RFTN2: variants seen among roughly 807,000 people sequenced by gnomAD.
RFTN2 encodes raftlin-2.
Under a neutral mutation model 52.7 loss-of-function variants are expected in RFTN2, and 34 were observed. The observed-to-expected ratio is 0.64, with a 90% CI of 0.49 to 0.86. The LOEUF (loss-of-function observed/expected upper bound fraction) is 0.86. RFTN2 is among the 40% of genes least tolerant of loss of function. The pLI, the probability that RFTN2 is intolerant of heterozygous loss-of-function variation, is 0.00. For synonymous variants in RFTN2, 203 were observed against 217.7 expected, an observed-to-expected ratio of 0.93 and a Z score of 0.59; for missense variants, 536 against 600.1, an observed-to-expected ratio of 0.89 and a Z score of 1.12.
chr2:197,642,977 A>C (rs1304340430), intron 3 of RFTN2, among the ~76,000 whole-genome samples: 2 of 152,298 alleles, frequency 1.3e-5, no homozygotes, highest in Middle Eastern at 3.4e-3. Context: ...ACAACAACAA[A>C]AAAAGACAAA....
chr2:197,575,830 TAA>T (rs2087404818), intron 8 of RFTN2, among the ~76,000 whole-genome samples: 1 of 82,580 alleles, frequency 1.2e-5, no homozygotes, highest in African/African-American at 4.1e-5. Context: ...ATTCTATATA[TAA>T]TATATTATAT....
intron 1 of RFTN2, among the ~76,000 whole-genome samples, chr2:197,654,671 A>G (rs2088868880): frequency 6.6e-6 from 1 of 152,080 alleles, no homozygotes; most frequent in Non-Finnish European, 1.5e-5. Context: ...CACCAGAGGG[A>G]ATAAAATGAA....
intron 1 of RFTN2, among the ~76,000 whole-genome samples, chr2:197,666,023 T>C (rs889042187): frequency 6.6e-6 from 1 of 152,182 alleles, no homozygotes; most frequent in Non-Finnish European, 1.5e-5. Flanking sequence ...ACATTTCTCA[T>C]AGGGCTGGAC....
intron 1 of RFTN2, among the ~76,000 whole-genome samples, chr2:197,646,899 A>AG (rs2088759528): frequency 7.2e-6 from 1 of 139,772 alleles, no homozygotes. Flanking sequence ...TGTCTCTACA[A>AG]AAAAAAAAAA....
intron 8 of RFTN2, among the ~76,000 whole-genome samples, chr2:197,577,660 C>T (rs1285849578): frequency 1.3e-5 from 2 of 152,202 alleles, no homozygotes; most frequent in South Asian, 2.1e-4. Flanking sequence ...ATCTTTCCCA[C>T]ATGCACAATG....
intron 3 of RFTN2, among the ~76,000 whole-genome samples, chr2:197,639,146 G>T (rs1344759590): frequency 9.0e-5 from 13 of 144,646 alleles, no homozygotes; most frequent in Non-Finnish European, 1.8e-4. Flanking sequence ...AGGGTAACCT[G>T]ACCTTTCTCT....
At chr2:197,575,095 G>A (rs1042502250) in intron 8 of RFTN2, among the ~76,000 whole-genome samples, 2 of 152,110 alleles carry the variant, frequency 1.3e-5, no homozygotes, top group African/African-American at 4.8e-5. Context: ...ATGGGGGTGG[G>A]TCTTTCCCAT....
In RFTN2 at chr2:197,580,332, C is replaced by G. The variant is rs532324566; in HGVS notation, c.1234-8052G>C. Among the ~76,000 whole-genome samples the G allele has an allele frequency of 2.0e-5, 3 of 152,322 alleles. No homozygotes were observed. In the South Asian group the frequency reaches 6.2e-4, roughly 32 times the overall value. ...TCCAGCACACAGGAATTTCAAAACTCCTAAGCCACAGTGGTCAGGCATTCC... is the reference window on the plus strand; with the variant it reads ...TCCAGCACACAGGAATTTCAAAACTGCTAAGCCACAGTGGTCAGGCATTCC... On this transcript the variant is annotated intron_variant, in intron 8 of 8. Transcript: ENST00000295049.
chr2:197,604,428 T>TA (rs954102064), intron 7 of RFTN2, among the ~76,000 whole-genome samples: 1 of 152,190 alleles, frequency 6.6e-6, no homozygotes, highest in African/African-American at 2.4e-5. Context: ...AGGTAAAACT[T>TA]ACAATGTTAA....
chr2:197,589,968 G>A (rs183214988), intron 8 of RFTN2, among the ~76,000 whole-genome samples: 124 of 152,106 alleles, frequency 8.2e-4, no homozygotes, highest in African/African-American at 2.7e-3. Context: ...GTACAGTGGC[G>A]CGATCATGGC....
In RFTN2 at chr2:197,646,585, T is replaced by C; in HGVS notation, c.221A>G (p.Tyr74Cys). 1 of 1,612,032 alleles carries C rather than the reference T, an allele frequency of 6.2e-7. No individual in the cohort carries two copies. Among genetic ancestry groups the C allele is most frequent in the Non-Finnish European group, 8.5e-7 (1 of 1,178,078 alleles). ...AACAGGATGAATAGCCCCGACAATA[T>C]ATCCTTTAAGATAATAGTTTTCCAC... ...TKVENYYLKG[Y>C]IVGAIHPVIQ... The change falls in exon 2 of 9, where the codon TAT becomes TGT. Residue 74 changes from tyrosine to cysteine, a missense_variant. Transcript: ENST00000295049.
intron 1 of RFTN2, among the ~76,000 whole-genome samples, chr2:197,665,540 T>TTTTTTTTTTTTTTTTTTTTTTTTTG (rs1379369868): frequency 6.7e-6 from 1 of 149,300 alleles, no homozygotes; most frequent in African/African-American, 2.5e-5. Flanking sequence ...TTTTACTGTT[T>TTTTTTTTTTTTTTTTTTTTTTTTTG]TCGACTTACT....
At position 197,633,833 on chromosome 2, in the gene RFTN2, C is replaced by T. The variant is rs747139876; in HGVS notation, c.603G>A (p.Thr201=). The change falls in exon 4 of 9, where the codon ACG becomes ACA. Residue 201 remains threonine (T), a synonymous_variant. Coordinates refer to ENST00000295049, the MANE Select transcript of RFTN2 (RefSeq NM_144629.3). ...CGCTTTCAGATGACTGCCCACTTAA[C>T]GTCCCTTCATTCCAACTTCTACAGT... ...DENCRSWNEG[T]LSGQSSESGI... 5.0e-6 allele frequency: 8 copies of T among 1,613,894 alleles called. No individual in the cohort carries two copies. Among genetic ancestry groups the T allele is most frequent in the Non-Finnish European group, 6.8e-6 (8 of 1,179,852 alleles).
At chr2:197,579,406 A>G (rs2087469486) in intron 8 of RFTN2, among the ~76,000 whole-genome samples, 1 of 152,142 alleles carries the variant, frequency 6.6e-6, no homozygotes, top group Non-Finnish European at 1.5e-5. Context: ...AAGAACTTAA[A>G]ACCTCTTCAA....
intron 7 of RFTN2, among the ~76,000 whole-genome samples, chr2:197,603,156 T>C (rs1045041698): frequency 8.5e-5 from 13 of 152,206 alleles, no homozygotes; most frequent in African/African-American, 2.9e-4. Flanking sequence ...CACACTAACA[T>C]GGCACATGTA....
intron 5 of RFTN2, among the ~76,000 whole-genome samples, chr2:197,627,803 A>C (rs903743643): frequency 2.0e-5 from 3 of 152,122 alleles, no homozygotes; most frequent in Non-Finnish European, 2.9e-5. Context: ...AGGGACACTG[A>C]GAAGGAATTT....
intron 8 of RFTN2, among the ~76,000 whole-genome samples, chr2:197,591,448 G>A (rs906043008): frequency 6.6e-6 from 1 of 152,192 alleles, no homozygotes; most frequent in Non-Finnish European, 1.5e-5. Context: ...TAGACATAAA[G>A]GTTCTGCAAG....
rs533981811 is a variant in RFTN2 at position 197,572,432 on chromosome 2, A to T, written c.1234-152T>A. The T allele has an allele frequency of 6.3e-4, 432 of 686,982 alleles. 3 individuals are homozygous for T. The South Asian group carries it at 7.6e-3, about 12-fold the overall frequency. 42.6% of individuals were successfully genotyped at this position (686,982 alleles called of 1,614,324 possible). A position where few individuals can be genotyped will look rare whatever the true frequency, so the allele number is the denominator to read the frequency against. On this transcript the variant is annotated intron_variant, in intron 8 of 8. Coordinates refer to ENST00000295049, the MANE Select transcript of RFTN2 (RefSeq NM_144629.3). Reference sequence around the variant, plus strand: ...CATCTTCAACGACCAGCTCAGAGCTACCTCCACATTCCCCTCTCCACCCAA... The same window carrying T: ...CATCTTCAACGACCAGCTCAGAGCTTCCTCCACATTCCCCTCTCCACCCAA...
rs150469229 is a variant in RFTN2 at position 197,646,618 on chromosome 2, A to G, written c.188T>C (p.Val63Ala). 30 of 1,613,076 alleles carry G rather than the reference A, an allele frequency of 1.9e-5. No homozygotes were observed. In the African/African-American group the frequency reaches 3.5e-4, roughly 19 times the overall value. ...AAGATAATAGTTTTCCACTTTTGTT[A>G]CTATATCCAGAATTGAATTTATCTT... Reference protein sequence around the residue: ...VIKINSILDIVTKVENYYLKG... With the variant: ...VIKINSILDIATKVENYYLKG... Residue 63 changes from valine (V) to alanine (A), a missense_variant, in exon 2 of 9, where the codon GTA becomes GCA. Val to Ala is a moderately conservative substitution (Grantham distance 64). Transcript: ENST00000295049.
Sources: allele counts gnomAD v4.1 joint callset (sites outside exome capture counted in the v4.1 genomes callset), GRCh38; gene constraint gnomAD v4.1.1; transcripts MANE v1.5; gene names NCBI Gene and HGNC (gene_info 2026-07-23, HGNC 2026-07-21).